The following RCC1 variants were observed in gnomAD, a reference collection of about 807,000 sequenced individuals.
RCC1 encodes the protein regulator of chromosome condensation 1.
A neutral mutation model predicts 44.4 loss-of-function variants in RCC1; 11 were observed. That is an observed-to-expected ratio of 0.25 (90% confidence interval 0.16 to 0.41). The LOEUF (loss-of-function observed/expected upper bound fraction) is 0.41. Ranked by LOEUF, RCC1 falls within the 10% of genes least tolerant of loss-of-function variation. The pLI is 1.00. For synonymous variants in RCC1, 213 were observed against 216.5 expected, an observed-to-expected ratio of 0.98 and a Z score of 0.14; for missense variants, 386 against 547.1, an observed-to-expected ratio of 0.71 and a Z score of 2.94.
intron 5 of RCC1, 42 bp downstream of exon 5, chr1:28,529,981 TG>T (rs1557876773): frequency 6.5e-7 from 1 of 1,527,172 alleles, no homozygotes; most frequent in East Asian, 2.3e-5. Context: ...GGTGGCCCCT[TG>T]AAACCCTAAG....
Position 28,536,671 on chromosome 1 carries a change from G to A in RCC1, c.938-76G>A. On this transcript the variant is annotated intron_variant, in intron 11 of 12. Coordinates refer to ENST00000683442, the MANE Select transcript of RCC1 (RefSeq NM_001381865.2). This position sits in a 1 kb window ranked among gnomAD's most constrained non-coding sequence, Gnocchi z 4.9. ...AGGGACACACTCCCATGGACAGGTG[G>A]ACTCACCTAGCCTGCCACCCATTTT... The A allele has an allele frequency of 6.5e-7, 1 of 1,533,154 alleles. No homozygotes were observed. Among genetic ancestry groups the A allele is most frequent in the South Asian group, 1.2e-5 (1 of 83,206 alleles). The allele number at this position is 1,533,154 out of a possible 1,614,324, so 95.0% of individuals were successfully genotyped here.
intron 4 of RCC1, among the ~76,000 whole-genome samples, chr1:28,528,844 CT>C (rs59005617): frequency 0.028 from 2,471 of 87,162 alleles, 44 homozygotes; most frequent in African/African-American, 0.12. Context: ...GTTTTTCTTC[CT>C]TTTTTTTTTT....
intron 3 of RCC1, among the ~76,000 whole-genome samples, chr1:28,515,509 G>A (rs1208192050): frequency 1.3e-5 from 2 of 149,962 alleles, no homozygotes; most frequent in East Asian, 2.0e-4. Flanking sequence ...TTGAGGTCAA[G>A]AGCTCAAGAC....
chr1:28,527,377 C>G (rs1259049742), intron 4 of RCC1: 5 of 460,610 alleles, frequency 1.1e-5, no homozygotes, highest in Admixed American at 3.4e-5. Context: ...GTAGCCAGGA[C>G]TTCAGGCGTG....
intron 4 of RCC1, chr1:28,527,038 A>G (rs1196037669): frequency 3.7e-6 from 3 of 819,274 alleles, no homozygotes; most frequent in Admixed American, 1.7e-5. Context: ...GCTGGGTGAC[A>G]TCAGGTGCAT....
In RCC1 at chr1:28,532,438, T is replaced by C. The variant is rs914553382; in HGVS notation, c.441+88T>C. 197 of 1,382,388 alleles carry C rather than the reference T, an allele frequency of 1.4e-4. 3 individuals are homozygous for C. In the Admixed American group the frequency reaches 3.9e-3, roughly 27 times the overall value. The allele number at this position is 1,382,388 out of a possible 1,614,324, so 85.6% of individuals were successfully genotyped here. ...AAGATAATCCACTTCCATGCCCCCA[T>C]GGTACTTACTGGTGGGGAGATGAAA... is the stretch of plus-strand genomic sequence containing the variant. On this transcript the variant is annotated intron_variant, in intron 7 of 12. Coordinates refer to ENST00000683442, the MANE Select transcript of RCC1 (RefSeq NM_001381865.2).
chr1:28,509,557 A>G (rs182358867), intron 3 of RCC1: 1 of 152,378 alleles, frequency 6.6e-6, no homozygotes, highest in East Asian at 1.9e-4. Context: ...ATGATTTCTA[A>G]TGTATTTGTA....
At position 28,536,321 on chromosome 1, in the gene RCC1, A is replaced by G; in HGVS notation, c.877A>G (p.Thr293Ala). ...PQNLTSFKNS[T>A]KSWVGFSGGQ... ...GAACCTAACATCCTTCAAGAATTCC[A>G]CCAAGTCCTGGGTGGGCTTCTCTGG... The change falls in exon 11 of 13, where the codon ACC becomes GCC. Residue 293 changes from threonine to alanine, a missense_variant. Physicochemically the swap from Thr to Ala is moderately conservative, Grantham distance 58. Transcript: ENST00000683442. This position sits in a 1 kb window ranked among gnomAD's most constrained non-coding sequence, Gnocchi z 4.9. 1 of 1,614,076 alleles carries G rather than the reference A, an allele frequency of 6.2e-7. No individual in the cohort carries two copies. Among genetic ancestry groups the G allele is most frequent in the Non-Finnish European group, 8.5e-7 (1 of 1,179,994 alleles).
At position 28,538,286 on chromosome 1, in the gene RCC1, C is replaced by G. The variant is rs1190120938; in HGVS notation, c.*279C>G. The G allele has an allele frequency of 4.0e-6, 1 of 249,600 alleles. No individual in the cohort carries two copies. The highest frequency in any genetic ancestry group is 2.2e-5 in the African/African-American group (1 of 44,474). The allele number at this position is 249,600 out of a possible 1,614,324, so 15.5% of individuals were successfully genotyped here. A position where few individuals can be genotyped will look rare whatever the true frequency, so the allele number is the denominator to read the frequency against. On this transcript the variant is annotated 3_prime_UTR_variant, in exon 13 of 13. Transcript: ENST00000683442. ...TGGTTAGACGTTTCTCCCCTTTTCC[C>G]TACCTTCCATGGTCCTGGTTGGCCC...
intron 5 of RCC1, among the ~76,000 whole-genome samples, chr1:28,531,252 T>C (rs1664143357): frequency 7.0e-6 from 1 of 143,100 alleles, no homozygotes; most frequent in Non-Finnish European, 1.5e-5. Context: ...ATAATTAGCT[T>C]TCTTTTCTTT....
intron 4 of RCC1, among the ~76,000 whole-genome samples, chr1:28,528,347 T>G (rs1024730812): frequency 4.6e-5 from 7 of 152,036 alleles, no homozygotes; most frequent in Non-Finnish European, 7.4e-5. Context: ...TCCCAGCTAC[T>G]CGAGAGGCTG....
rs771030550 is a variant in RCC1 at position 28,535,865 on chromosome 1, C to T, written c.662-6C>T. 3 of 1,610,202 alleles carry T rather than the reference C, an allele frequency of 1.9e-6. No homozygotes were observed. Among genetic ancestry groups the T allele is most frequent in the African/African-American group, 1.3e-5 (1 of 74,994 alleles). On this transcript the variant is annotated splice_polypyrimidine_tract_variant and splice_region_variant and intron_variant, in intron 9 of 12. Coordinates refer to ENST00000683442, the MANE Select transcript of RCC1 (RefSeq NM_001381865.2). Reference sequence around the variant, plus strand: ...TCACTGACCGTGGCTTTCCCTTTGCCTGCAGAACGACTCCTGGTCCCCAAG... The same window carrying T: ...TCACTGACCGTGGCTTTCCCTTTGCTTGCAGAACGACTCCTGGTCCCCAAG...
At chr1:28,524,626 G>A (rs140179988) in intron 4 of RCC1, among the ~76,000 whole-genome samples, 1 of 152,102 alleles carries the variant, frequency 6.6e-6, no homozygotes, top group African/African-American at 2.4e-5. Flanking sequence ...GGGAGTCCAA[G>A]GCTAGAGAAT....
At chr1:28,511,073 C>T (rs573081184) in intron 3 of RCC1, among the ~76,000 whole-genome samples, 1 of 152,126 alleles carries the variant, frequency 6.6e-6, no homozygotes, top group South Asian at 2.1e-4. Flanking sequence ...TTTAGACTTT[C>T]CAAACAGGCA....
intron 4 of RCC1, among the ~76,000 whole-genome samples, chr1:28,524,194 G>T (rs150839139): frequency 7.9e-4 from 120 of 152,316 alleles, no homozygotes; most frequent in African/African-American, 2.8e-3. Flanking sequence ...TGGCTCCCAA[G>T]CACTTCAGAT....
intron 2 of RCC1, 182 bp from the exon 3 acceptor site, chr1:28,508,648 C>T (rs1340268665): frequency 1.9e-6 from 1 of 518,916 alleles, no homozygotes; most frequent in South Asian, 1.4e-5. Flanking sequence ...ATGTACAGTC[C>T]CTTTCCACAA....
intron 4 of RCC1, among the ~76,000 whole-genome samples, chr1:28,519,541 A>T (rs1663138748): frequency 6.6e-6 from 1 of 151,930 alleles, no homozygotes; most frequent in South Asian, 2.1e-4. Context: ...TCTGTAAAGC[A>T]ATGGTAGGGG....
intron 1 of RCC1, chr1:28,507,493 G>C (rs758747028): frequency 6.7e-5 from 35 of 518,954 alleles, no homozygotes; most frequent in Non-Finnish European, 1.2e-4. Context: ...TGGGCCTCGT[G>C]TCTGCGCCTG....
intron 5 of RCC1, 36 bp from the exon 6 acceptor site, chr1:28,531,767 C>T (rs775573996): frequency 6.7e-7 from 1 of 1,488,002 alleles, no homozygotes; most frequent in South Asian, 1.4e-5. Context: ...CTGTCGTCAT[C>T]CTCTACACTC....
Sources: allele counts gnomAD v4.1 joint callset (sites outside exome capture counted in the v4.1 genomes callset), GRCh38; gene constraint gnomAD v4.1.1; non-coding constraint Gnocchi (gnomAD v3.1); transcripts MANE v1.5; gene names NCBI Gene and HGNC (gene_info 2026-07-23, HGNC 2026-07-21).